CACNA2D3: variants seen among roughly 807,000 people sequenced by gnomAD.
CACNA2D3 encodes voltage-dependent calcium channel subunit alpha-2/delta-3.
A neutral mutation model predicts 160.6 loss-of-function variants in CACNA2D3; 60 were observed. The ratio of observed to expected loss-of-function variants is 0.37; its 90% confidence interval spans 0.30 to 0.46. The LOEUF (loss-of-function observed/expected upper bound fraction) is 0.46, where lower values mean the gene tolerates loss of function less well. Among genes scored for constraint, CACNA2D3 ranks in the 20% least tolerant of loss-of-function variants. The pLI is 1.00. For missense variants in CACNA2D3, 1,205 were observed against 1,365.0 expected, an observed-to-expected ratio of 0.88 and a Z score of 1.85; for synonymous variants, 558 against 492.9, an observed-to-expected ratio of 1.13 and a Z score of -1.75.
intron 4 of CACNA2D3, among the ~76,000 whole-genome samples, chr3:54,474,107 A>C (rs1035923983): frequency 2.0e-5 from 3 of 152,348 alleles, no homozygotes; most frequent in Non-Finnish European, 4.4e-5. Flanking sequence ...GCATATGTTT[A>C]TTGCAGCACT....
chr3:54,874,532 A>C (rs759975987), intron 18 of CACNA2D3: 13 of 152,202 alleles, frequency 8.5e-5, no homozygotes, highest in Non-Finnish European at 1.5e-4. Flanking sequence ...TGTGATTATT[A>C]ATAGAAAAAA....
At chr3:54,867,036 CT>C (rs1440664723) in intron 17 of CACNA2D3, among the ~76,000 whole-genome samples, 10 of 152,298 alleles carry the variant, frequency 6.6e-5, no homozygotes, top group Middle Eastern at 3.4e-3. Flanking sequence ...GTTTATAAAC[CT>C]TTGGAAACCG....
chr3:54,770,981 C>A (rs931689191), intron 13 of CACNA2D3, among the ~76,000 whole-genome samples: 2 of 152,118 alleles, frequency 1.3e-5, no homozygotes, highest in African/African-American at 4.8e-5. Context: ...TCCTTGCATT[C>A]AGAGAAAACT....
At chr3:54,138,769 G>A (rs933434130) in intron 2 of CACNA2D3, among the ~76,000 whole-genome samples, 6 of 152,200 alleles carry the variant, frequency 3.9e-5, no homozygotes, top group Non-Finnish European at 7.3e-5. Context: ...CGAAGCTAGT[G>A]ATGGAAGAGC....
At chr3:54,931,178 AC>A (rs1701180196) in intron 27 of CACNA2D3, among the ~76,000 whole-genome samples, 2 of 152,152 alleles carry the variant, frequency 1.3e-5, no homozygotes, top group South Asian at 4.1e-4. Context: ...GGCTGCTCCC[AC>A]CTAAAACACG....
At chr3:54,629,444 T>C (rs1472194298) in intron 10 of CACNA2D3, among the ~76,000 whole-genome samples, 2 of 152,162 alleles carry the variant, frequency 1.3e-5, no homozygotes, top group Admixed American at 6.5e-5. Context: ...GATGACTGTT[T>C]AGATCTCAGT....
chr3:54,640,978 C>T (rs1393911727), intron 10 of CACNA2D3, among the ~76,000 whole-genome samples: 1 of 151,878 alleles, frequency 6.6e-6, no homozygotes, highest in Non-Finnish European at 1.5e-5. Flanking sequence ...CAATCCTAGA[C>T]TCTTCCTTCC....
At chr3:54,618,352 C>CACATATATAT (rs1553752928) in intron 9 of CACNA2D3, among the ~76,000 whole-genome samples, 1 of 119,890 alleles carries the variant, frequency 8.3e-6, no homozygotes, top group Admixed American at 8.7e-5. Context: ...TTGATACATA[C>CACATATATAT]ATATATATAT....
rs530218199 is a variant in CACNA2D3, at chr3:54,752,699, G to A, written c.1246+22G>A. 61 of 1,570,592 alleles carry A rather than the reference G, an allele frequency of 3.9e-5. 1 individual carries two copies. Among genetic ancestry groups the A allele is most frequent in the South Asian group, 2.3e-4 (20 of 88,370 alleles). ...AAAGGTGGGTCTTCGCATTGTGCTC[G>A]GCTCTGAATAACTTCCACCTACTTG... On this transcript the variant is annotated intron_variant, in intron 12 of 37. Transcript: ENST00000474759.
At chr3:54,285,440 A>G (rs1404852534) in intron 2 of CACNA2D3, among the ~76,000 whole-genome samples, 2 of 152,188 alleles carry the variant, frequency 1.3e-5, no homozygotes, top group African/African-American at 4.8e-5. Flanking sequence ...GGAAGCTCGA[A>G]CTGGGTGGAG....
At chr3:54,371,561 T>C (rs1698926605) in intron 3 of CACNA2D3, among the ~76,000 whole-genome samples, 1 of 152,218 alleles carries the variant, frequency 6.6e-6, no homozygotes, top group African/African-American at 2.4e-5. Context: ...TTTTATACTG[T>C]GGTCATGGAT....
rs563084958 is a variant in CACNA2D3, at chr3:55,063,126, C to G, written c.2988-10319C>G. Among the ~76,000 whole-genome samples the G allele has an allele frequency of 2.2e-4, 34 of 152,244 alleles. No homozygotes were observed. The East Asian group carries it at 5.2e-3, about 23-fold the overall frequency. ...GTGACATTTAATAAGTCTTTTATAA[C>G]TGAATTGGGGTTCTCCAAAGGTATG... On this transcript the variant is annotated intron_variant, in intron 35 of 37. Transcript: ENST00000474759.
At chr3:54,946,017 A>C (rs781274830) in intron 27 of CACNA2D3, among the ~76,000 whole-genome samples, 5 of 152,164 alleles carry the variant, frequency 3.3e-5, no homozygotes, top group Non-Finnish European at 5.9e-5. Flanking sequence ...CAGCAGGAAA[A>C]CGAGTACCCT....
intron 11 of CACNA2D3, among the ~76,000 whole-genome samples, chr3:54,670,896 A>C (rs1242424514): frequency 6.6e-6 from 1 of 152,156 alleles, no homozygotes; most frequent in Non-Finnish European, 1.5e-5. Flanking sequence ...CATCAACCCC[A>C]GATCAGCTTC....
chr3:54,323,457 CTTTTTCTTTTCTTTT>C (rs1435430088), intron 3 of CACNA2D3, among the ~76,000 whole-genome samples: 1 of 140,144 alleles, frequency 7.1e-6, no homozygotes, highest in East Asian at 2.1e-4. Context: ...CTCCTCTTTT[CTTTTTCTTTTCTTTT>C]TTTTTTTTTT....
chr3:55,009,047 T>C (rs1703157811), intron 33 of CACNA2D3, among the ~76,000 whole-genome samples: 1 of 152,172 alleles, frequency 6.6e-6, no homozygotes, highest in East Asian at 1.9e-4. Flanking sequence ...AAGAGAAGCT[T>C]ATTAGAAATT....
chr3:54,839,315 T>G, intron 16 of CACNA2D3, among the ~76,000 whole-genome samples: 1 of 152,058 alleles, frequency 6.6e-6, no homozygotes, highest in East Asian at 1.9e-4. Context: ...AAAACTCTCC[T>G]ATTTCCTGGT....
At chr3:54,943,296 C>G (rs1340670950) in intron 27 of CACNA2D3, among the ~76,000 whole-genome samples, 1 of 152,006 alleles carries the variant, frequency 6.6e-6, no homozygotes, top group Non-Finnish European at 1.5e-5. Flanking sequence ...TTCTCACTTC[C>G]TAGAGGCCAC....
intron 13 of CACNA2D3, among the ~76,000 whole-genome samples, chr3:54,801,678 A>G (rs932945477): frequency 1.3e-5 from 2 of 152,152 alleles, no homozygotes; most frequent in Non-Finnish European, 2.9e-5. Context: ...TTTTATATCT[A>G]ATTTTCTACA....
Sources: allele counts gnomAD v4.1 joint callset (sites outside exome capture counted in the v4.1 genomes callset), GRCh38; gene constraint gnomAD v4.1.1; transcripts MANE v1.5; gene names NCBI Gene and HGNC (gene_info 2026-07-23, HGNC 2026-07-21).